Variants in SLC26A5 observed in about 807,000 individuals in gnomAD.
SLC26A5 encodes the protein prestin.
A neutral mutation model predicts 81.0 loss-of-function variants in SLC26A5; 51 were observed. The ratio of observed to expected loss-of-function variants is 0.63; its 90% CI spans 0.50 to 0.80. The LOEUF (loss-of-function observed/expected upper bound fraction) is 0.80, where lower values mean the gene tolerates loss of function less well. Among genes scored for constraint, SLC26A5 ranks in the 30% least tolerant of loss-of-function variants. SLC26A5 has a pLI of 0.00. For missense variants in SLC26A5, 771 were observed against 905.8 expected (o/e 0.85, Z 1.91); for synonymous variants, 325 against 332.8 (o/e 0.98, Z 0.25).
In SLC26A5 at chr7:103,389,402, A is replaced by G. The variant is rs143428699; in HGVS notation, c.1334T>C (p.Ile445Thr). ...LPQAVLSAIV[I>T]VNLKGMFMQF... ...CATAAACATTCCCTTCAGGTTGACA[A>G]TCACAATGGCCGACAGCACAGCCTG... Residue 445 changes from isoleucine (I) to threonine (T), a missense_variant, in exon 13 of 20, where the codon ATT (isoleucine) becomes ACT (threonine). Ile to Thr is a moderately conservative substitution (Grantham distance 89). Transcript: ENST00000306312. The G allele has an allele frequency of 2.8e-5, 45 of 1,614,040 alleles. No individual in the cohort carries two copies. In the African/African-American group the frequency reaches 5.3e-4, roughly 19 times the overall value.
chr7:103,356,115 T>C (rs983588184), intron 19 of SLC26A5, among the ~76,000 whole-genome samples: 1 of 152,202 alleles, frequency 6.6e-6, no homozygotes, highest in Non-Finnish European at 1.5e-5. Context: ...TAATCCTCTG[T>C]GTATCTTCCT....
intron 9 of SLC26A5, among the ~76,000 whole-genome samples, chr7:103,396,202 A>T (rs2116521936): frequency 6.6e-6 from 1 of 152,338 alleles, no homozygotes; most frequent in East Asian, 1.9e-4. Context: ...TTAGGAAAAC[A>T]AAAGAAAACA....
intron 1 of SLC26A5, 87 bp downstream of exon 1, chr7:103,446,011 C>A (rs769733897): frequency 6.6e-6 from 1 of 150,398 alleles, no homozygotes; most frequent in Non-Finnish European, 1.5e-5. Context: ...AGCGAGGGCC[C>A]CTGCTCGGGT....
rs373532500 is a variant in SLC26A5 at position 103,378,473 on chromosome 7, A to G, written c.1758T>C (p.Asn586=). The G allele has an allele frequency of 6.2e-7, 1 of 1,614,116 alleles. No individual in the cohort carries two copies. Among genetic ancestry groups the G allele is most frequent in the Non-Finnish European group, 8.5e-7 (1 of 1,179,982 alleles). Residue 586 remains asparagine, a synonymous_variant, in exon 17 of 20, where the codon AAT becomes AAC. Coordinates refer to ENST00000306312, the MANE Select transcript of SLC26A5 (RefSeq NM_198999.3). The part of the protein sequence containing the change: ...RKYAKEVGNA[N]MANATVVKAD... ...CTTTGACAACAGTTGCGTTGGCCAT[A>G]TTTGCATTTCCGACTTCCTTAGCGT...
chr7:103,420,293 T>TA (rs1449476871), intron 4 of SLC26A5, among the ~76,000 whole-genome samples: 1 of 142,508 alleles, frequency 7.0e-6, no homozygotes, highest in Non-Finnish European at 1.5e-5. Flanking sequence ...CTGGAGCTTT[T>TA]TTTTTTTTTT....
chr7:103,391,609 G>A lies in SLC26A5; in HGVS notation c.1233+13C>T. ...CCATATCATCAGGTCTTAGAGGCCTGTTATGTACATACCTGTGTCTTCCCA... is the reference window on the plus strand; with the variant it reads ...CCATATCATCAGGTCTTAGAGGCCTATTATGTACATACCTGTGTCTTCCCA... On this transcript the variant is annotated intron_variant, in intron 11 of 19. Transcript: ENST00000306312. 1 of 1,605,956 alleles carries A rather than the reference G, an allele frequency of 6.2e-7. No individual in the cohort carries two copies. Among genetic ancestry groups the A allele is most frequent in the East Asian group, 2.2e-5 (1 of 44,846 alleles).
At chr7:103,390,631 C>A in intron 11 of SLC26A5, 125 bp from the exon 12 acceptor site, 1 of 793,372 alleles carries the variant, frequency 1.3e-6, no homozygotes, top group South Asian at 1.4e-5. Flanking sequence ...TCAAATAAGT[C>A]AACTAAACCA....
At position 103,391,281 on chromosome 7, in the gene SLC26A5, T is replaced by C. The variant is rs529910303; in HGVS notation, c.1233+341A>G. Among the ~76,000 whole-genome samples, 757 of 152,380 alleles carry C rather than the reference T, an allele frequency of 5.0e-3. 7 individuals are homozygous for C. Among genetic ancestry groups the C allele is most frequent in the African/African-American group, 0.017 (714 of 41,592 alleles). The stretch of plus-strand genomic sequence containing the variant: ...TATTGGACAGTGCAGATATTGAACA[T>C]TTCCATCATTGCGGAAAGTTCTACT... On this transcript the variant is annotated intron_variant, in intron 11 of 19. Coordinates refer to ENST00000306312, the MANE Select transcript of SLC26A5 (RefSeq NM_198999.3).
downstream of SLC26A5, among the ~76,000 whole-genome samples, chr7:103,372,954 A>T (rs575881991): frequency 1.2e-4 from 19 of 152,250 alleles, no homozygotes; most frequent in African/African-American, 4.6e-4. Flanking sequence ...AATTAAATGA[A>T]AATAATAAAG....
intron 2 of SLC26A5, among the ~76,000 whole-genome samples, chr7:103,427,352 A>G (rs952908918): frequency 4.6e-5 from 7 of 152,108 alleles, no homozygotes; most frequent in African/African-American, 1.7e-4. Flanking sequence ...TGCTGGAATT[A>G]TGGGTGTGAA....
chr7:103,386,350 G>A (rs1027007156), intron 14 of SLC26A5, among the ~76,000 whole-genome samples: 1 of 151,986 alleles, frequency 6.6e-6, no homozygotes, highest in Non-Finnish European at 1.5e-5. Context: ...GGCAGATTGC[G>A]AGGTCAGGAG....
At chr7:103,365,876 C>T (rs1009526172) in intron 19 of SLC26A5, among the ~76,000 whole-genome samples, 2 of 151,892 alleles carry the variant, frequency 1.3e-5, no homozygotes, top group East Asian at 1.9e-4. Context: ...TGCAGTGAGC[C>T]GAGCTCGCAC....
chr7:103,373,206 T>C (rs983338251), downstream of SLC26A5, among the ~76,000 whole-genome samples: 1 of 152,146 alleles, frequency 6.6e-6, no homozygotes, highest in African/African-American at 2.4e-5. Context: ...CACAGATAAG[T>C]CTGTAGTCAC....
At chr7:103,361,551 T>G (rs1002700812) in intron 19 of SLC26A5, among the ~76,000 whole-genome samples, 6 of 146,248 alleles carry the variant, frequency 4.1e-5, no homozygotes, top group African/African-American at 1.5e-4. Context: ...GGATTTAAAG[T>G]ATAAACTCAG....
At chr7:103,388,948 T>C (rs1249930814) in intron 14 of SLC26A5, 60 bp downstream of exon 14, 10 of 1,300,508 alleles carry the variant, frequency 7.7e-6, no homozygotes, top group Non-Finnish European at 1.1e-5. Flanking sequence ...GGTCTACACC[T>C]AAAGTCAACA....
chr7:103,411,748 G>T (rs577004023), intron 5 of SLC26A5, among the ~76,000 whole-genome samples, 162 bp from the exon 6 acceptor site: 3 of 152,320 alleles, frequency 2.0e-5, no homozygotes, highest in African/African-American at 4.8e-5. Context: ...GCAACCGTGT[G>T]TGTGCGTGTG....
chr7:103,371,286 A>G (rs1563502818), downstream of SLC26A5, among the ~76,000 whole-genome samples: 4 of 152,162 alleles, frequency 2.6e-5, no homozygotes, highest in Admixed American at 6.5e-5. Flanking sequence ...AGAAAAGTTA[A>G]ATACAAATGT....
intron 19 of SLC26A5, 29 bp downstream of exon 19, chr7:103,376,779 G>C (rs764949564): frequency 6.7e-7 from 1 of 1,496,772 alleles, no homozygotes; most frequent in East Asian, 2.3e-5. Flanking sequence ...AAAATATTAA[G>C]CTTCACCCCA....
chr7:103,431,732 G>A (rs1340930126), intron 2 of SLC26A5, among the ~76,000 whole-genome samples: 2 of 152,178 alleles, frequency 1.3e-5, no homozygotes, highest in East Asian at 3.8e-4. Context: ...GGTGGGATTT[G>A]TATGAGATAG....
Sources: allele counts gnomAD v4.1 joint callset (sites outside exome capture counted in the v4.1 genomes callset), GRCh38; gene constraint gnomAD v4.1.1; transcripts MANE v1.5; gene names NCBI Gene and HGNC (gene_info 2026-07-23, HGNC 2026-07-21).